The following DNAAF5 variants were observed in gnomAD, a reference collection of about 807,000 sequenced individuals.
DNAAF5 encodes the protein HEAT repeat containing 2.
Under a neutral mutation model 75.8 loss-of-function variants are expected in DNAAF5, and 64 were observed. The observed-to-expected ratio is 0.84, with a 90% CI of 0.69 to 1.04. The LOEUF (loss-of-function observed/expected upper bound fraction) is 1.04, where lower values mean the gene tolerates loss of function less well. DNAAF5 is among the 50% of genes least tolerant of loss of function. The probability of loss-of-function intolerance (pLI) is 0.00; values close to 1 mark genes in which losing one functional copy is unlikely to be tolerated. For missense variants in DNAAF5, 1,269 were observed against 1,178.5 expected (o/e 1.08, Z -1.12); for synonymous variants, 657 against 557.2 (o/e 1.18, Z -2.52).
chr7:763,249 C>G (rs62432252), intron 7 of DNAAF5, among the ~76,000 whole-genome samples: 122,553 of 152,142 alleles, frequency 0.81, 49,502 homozygotes, highest in South Asian at 0.87. Context: ...TCATGGGGGA[C>G]GAAGCCAGGT....
intron 4 of DNAAF5, among the ~76,000 whole-genome samples, chr7:741,809 G>C (rs1429552468): frequency 1.3e-5 from 2 of 152,208 alleles, no homozygotes; most frequent in African/African-American, 4.8e-5. Flanking sequence ...TTGAACTCTG[G>C]GTTCCTGGGC....
At chr7:776,200 G>C (rs939299919) in intron 11 of DNAAF5, among the ~76,000 whole-genome samples, 1 of 152,126 alleles carries the variant, frequency 6.6e-6, no homozygotes, top group African/African-American at 2.4e-5. Context: ...GCTGGACATG[G>C]TGGTGCGCGC....
Position 785,658 on chromosome 7 carries a change from G to A in DNAAF5, c.*5G>A, listed in dbSNP as rs376781473. The A allele has an allele frequency of 1.1e-5, 18 of 1,612,062 alleles. No individual in the cohort carries two copies. The highest frequency in any genetic ancestry group is 1.4e-5 in the Non-Finnish European group (16 of 1,179,734). On this transcript the variant is annotated 3_prime_UTR_variant, in exon 13 of 13. Transcript: ENST00000297440. Reference sequence around the variant, plus strand: ...GCCGTGCCAGCCACACAGTGACCACGCTGGTTTCAGCCACGGCACACCCTT... The same window carrying A: ...GCCGTGCCAGCCACACAGTGACCACACTGGTTTCAGCCACGGCACACCCTT...
intron 1 of DNAAF5, 145 bp downstream of exon 1, chr7:727,460 C>T (rs2128066888): frequency 8.9e-6 from 3 of 337,380 alleles, no homozygotes; most frequent in Admixed American, 1.2e-4. Flanking sequence ...CCCCATGCGC[C>T]GCTTCCCCCA....
chr7:785,494 C>G, intron 12 of DNAAF5, 23 bp from the exon 13 acceptor site: 1 of 1,610,408 alleles, frequency 6.2e-7, no homozygotes, highest in Non-Finnish European at 8.5e-7. Context: ...CTGGCATGTT[C>G]AAGGTGTTTT....
At chr7:750,335 C>T (rs566451120) in intron 4 of DNAAF5, among the ~76,000 whole-genome samples, 216 of 152,300 alleles carry the variant, frequency 1.4e-3, no homozygotes, top group African/African-American at 5.0e-3. Context: ...CACACGGCAA[C>T]GAAATCACCC....
At chr7:780,255 G>A in intron 12 of DNAAF5, 111 bp downstream of exon 12, 1 of 985,020 alleles carries the variant, frequency 1.0e-6, no homozygotes. Context: ...CACAGGAGGG[G>A]CCTCAGCTCC....
chr7:751,569 A>C (rs1484258239), intron 4 of DNAAF5, among the ~76,000 whole-genome samples: 1 of 110,662 alleles, frequency 9.0e-6, no homozygotes, highest in Non-Finnish European at 1.7e-5. Flanking sequence ...AGTTGTTCTG[A>C]ATTTTTTTTT....
chr7:738,738 G>A (rs908891856), intron 2 of DNAAF5, among the ~76,000 whole-genome samples: 3 of 152,186 alleles, frequency 2.0e-5, no homozygotes, highest in Non-Finnish European at 4.4e-5. Flanking sequence ...GATAGAAAAG[G>A]TGGCAGTCCG....
At chr7:779,637 A>G (rs1053195575) in intron 11 of DNAAF5, among the ~76,000 whole-genome samples, 1 of 152,042 alleles carries the variant, frequency 6.6e-6, no homozygotes, top group Non-Finnish European at 1.5e-5. Flanking sequence ...GTGAGCACAC[A>G]GCTGCGAGGA....
chr7:781,009 C>T (rs896022853), intron 12 of DNAAF5, among the ~76,000 whole-genome samples: 1 of 152,142 alleles, frequency 6.6e-6, no homozygotes, highest in African/African-American at 2.4e-5. Context: ...CCCGTCACTT[C>T]AAACACTTAC....
intron 4 of DNAAF5, among the ~76,000 whole-genome samples, chr7:752,995 A>C (rs1197576465): frequency 6.6e-6 from 1 of 152,238 alleles, no homozygotes; most frequent in Non-Finnish European, 1.5e-5. Flanking sequence ...ATGCAAAGGA[A>C]AAGCACACGG....
At position 786,091 on chromosome 7, in the gene DNAAF5, A is replaced by G. The variant is rs967215286; in HGVS notation, c.*438A>G. 2.5e-5 allele frequency: 4 copies of G among 158,438 alleles called. No individual in the cohort carries two copies. The highest frequency in any genetic ancestry group is 9.6e-5 in the African/African-American group (4 of 41,576). The allele number at this position is 158,438 out of a possible 1,614,324, so 9.8% of individuals were successfully genotyped here. On this transcript the variant is annotated 3_prime_UTR_variant, in exon 13 of 13. Transcript: ENST00000297440. ...TGAAATCTCTTTTTGGGTTCTGTCTACTGAAATTTAATATCTCAGTGAACA... is the reference window on the plus strand; with the variant it reads ...TGAAATCTCTTTTTGGGTTCTGTCTGCTGAAATTTAATATCTCAGTGAACA...
At chr7:732,607 T>C (rs1234069891) in intron 2 of DNAAF5, 1 of 456,148 alleles carries the variant, frequency 2.2e-6, no homozygotes, top group South Asian at 1.5e-5. Context: ...GTCACGTTCC[T>C]GCCAAGTACC....
intron 5 of DNAAF5, among the ~76,000 whole-genome samples, chr7:755,943 G>T (rs1412109057): frequency 6.6e-6 from 1 of 151,868 alleles, no homozygotes; most frequent in East Asian, 1.9e-4. Flanking sequence ...GAATCCCACG[G>T]TGCAGAGGGG....
chr7:741,395 G>A lies in DNAAF5; in HGVS notation c.954G>A (p.Lys318=). 6.3e-7 allele frequency: 1 copy of A among 1,580,878 alleles called. No homozygotes were observed. The highest frequency in any genetic ancestry group is 2.3e-5 in the East Asian group (1 of 43,790). The change falls in exon 4 of 13, where the codon AAG becomes AAA. Residue 318 remains lysine (K), a synonymous_variant. Transcript: ENST00000297440. ...AGGACGTTGGCCTGCAGTGGCAGAAGGAGAATGAGGAGGACCTGAAGGACA... is the reference window on the plus strand; with the variant it reads ...AGGACGTTGGCCTGCAGTGGCAGAAAGAGAATGAGGAGGACCTGAAGGACA... ...LWEDVGLQWQ[K]ENEEDLKDKL...
Position 785,824 on chromosome 7 carries a change from A to G in DNAAF5, c.*171A>G. 1.5e-6 allele frequency: 1 copy of G among 670,340 alleles called. No homozygotes were observed. The highest frequency in any genetic ancestry group is 2.5e-6 in the Non-Finnish European group (1 of 407,350). 41.5% of individuals were successfully genotyped at this position (670,340 alleles called of 1,614,324 possible). ...CCCTGGAATAACAGCCTCTGAGTGGATTCTGCATGTTATGTGATTTGTTCT... is the reference window on the plus strand; with the variant it reads ...CCCTGGAATAACAGCCTCTGAGTGGGTTCTGCATGTTATGTGATTTGTTCT... On this transcript the variant is annotated 3_prime_UTR_variant, in exon 13 of 13. Coordinates refer to ENST00000297440, the MANE Select transcript of DNAAF5 (RefSeq NM_017802.4).
intron 4 of DNAAF5, among the ~76,000 whole-genome samples, chr7:749,339 G>A (rs1465178958): frequency 1.3e-5 from 2 of 152,216 alleles, no homozygotes; most frequent in African/African-American, 4.8e-5. Flanking sequence ...CAATGCCTGA[G>A]CGTAAAGGAA....
intron 12 of DNAAF5, among the ~76,000 whole-genome samples, chr7:783,256 G>A (rs560164032): frequency 1.3e-5 from 2 of 152,374 alleles, no homozygotes; most frequent in South Asian, 2.1e-4. Flanking sequence ...CTGGTCCTCC[G>A]TGTGAAGCGG....
Sources: gnomAD v4.1 joint callset for allele counts (sites outside exome capture counted in the v4.1 genomes callset) on GRCh38, gnomAD v4.1.1 for gene constraint, MANE v1.5 for transcripts, NCBI Gene and HGNC (gene_info 2026-07-23, HGNC 2026-07-21) for gene names.